PRKD2: variants seen among roughly 807,000 people sequenced by gnomAD.
PRKD2 encodes serine/threonine-protein kinase D2.
A neutral mutation model predicts 86.0 loss-of-function variants in PRKD2; 22 were observed. The ratio of observed to expected loss-of-function variants is 0.26; its 90% confidence interval spans 0.18 to 0.37. The LOEUF is 0.37. PRKD2 is among the 10% of genes least tolerant of loss of function. The probability of loss-of-function intolerance (pLI) is 1.00; values close to 1 mark genes in which losing one functional copy is unlikely to be tolerated. For missense variants in PRKD2, 818 were observed against 1,199.2 expected, an observed-to-expected ratio of 0.68 and a Z score of 4.70; for synonymous variants, 509 against 510.9, an observed-to-expected ratio of 1.00 and a Z score of 0.05.
intron 1 of PRKD2, chr19:46,714,255 T>A: frequency 7.8e-7 from 1 of 1,274,450 alleles, no homozygotes; most frequent in Non-Finnish European, 1.0e-6. Context: ...GGAGGGAGAG[T>A]GGCTCCGGGA....
In PRKD2 at chr19:46,697,223, G is replaced by A. The variant is rs143670757; in HGVS notation, c.1251C>T (p.His417=). The A allele has an allele frequency of 2.0e-5, 32 of 1,592,388 alleles. No homozygotes were observed. The African/African-American group carries it at 3.8e-4, about 19-fold the overall frequency. ...TACACTTGCAGTCCAGGCGCCAATA[G>A]TGCCGCTTTCTCTGCAGAGATGTTT... is the stretch of plus-strand genomic sequence containing the variant. The part of the protein sequence containing the change: ...YSNKDTLRKR[H]YWRLDCKCIT... The change falls in exon 9 of 18, where the codon CAC becomes CAT. Residue 417 remains histidine (H), a synonymous_variant. Coordinates refer to ENST00000291281, the MANE Select transcript of PRKD2 (RefSeq NM_016457.5).
rs139853244 is a variant in PRKD2 at position 46,704,134 on chromosome 19, G to A, written c.889+35C>T. ...CAGGTTGGGGCGGGAAGGAGGTTCT[G>A]ACCCTGTCTGTCCTCCCCGACAGGC... On this transcript the variant is annotated intron_variant, in intron 5 of 17. Transcript: ENST00000291281. The A allele has an allele frequency of 7.3e-3, 11,711 of 1,612,004 alleles. 46 individuals carry two copies. The highest frequency in any genetic ancestry group is 8.4e-3 in the Non-Finnish European group (9,859 of 1,179,570).
chr19:46,708,077 G>A (rs1319467117), intron 3 of PRKD2, among the ~76,000 whole-genome samples: 3 of 152,112 alleles, frequency 2.0e-5, no homozygotes, highest in Admixed American at 1.3e-4. Context: ...CAGCCTGGGT[G>A]ACAGACTGAG....
intron 5 of PRKD2, among the ~76,000 whole-genome samples, chr19:46,701,566 T>C (rs1297767252): frequency 6.6e-6 from 1 of 151,766 alleles, no homozygotes; most frequent in East Asian, 2.0e-4. Context: ...TTGGTCAGGC[T>C]GGTTTCGCGC....
In PRKD2 at chr19:46,697,228, GC is replaced by G. The variant is rs1375397972; in HGVS notation, c.1245del (p.Lys415AsnfsTer94). 6.3e-7 allele frequency: 1 copy of G among 1,588,388 alleles called. No individual in the cohort carries two copies. Among genetic ancestry groups the G allele is most frequent in the East Asian group, 2.2e-5 (1 of 44,704 alleles). On this transcript the variant is annotated frameshift_variant, in exon 9 of 18. Transcript: ENST00000291281. LOFTEE classifies it high-confidence loss of function. ...VHYSNKDTLR[K>X]RHYWRLDCKC... ...TTGCAGTCCAGGCGCCAATAGTGCCGCTTTCTCTGCAGAGATGTTTGAAGAG... is the reference window on the plus strand; with the variant it reads ...TTGCAGTCCAGGCGCCAATAGTGCCGTTTCTCTGCAGAGATGTTTGAAGAG...
chr19:46,700,410 G>A (rs2053619250), intron 7 of PRKD2, among the ~76,000 whole-genome samples: 1 of 151,498 alleles, frequency 6.6e-6, no homozygotes, highest in African/African-American at 2.4e-5. Context: ...TGGATCACTT[G>A]AGCTCAGGAG....
At chr19:46,689,786 C>A (rs1158344142) in intron 13 of PRKD2, 88 bp from the exon 14 acceptor site, 6 of 1,481,822 alleles carry the variant, frequency 4.0e-6, no homozygotes, top group African/African-American at 1.4e-5. Flanking sequence ...GGATGACAAA[C>A]AAGGAGAAGG....
chr19:46,707,704 G>A (rs1568735189), intron 3 of PRKD2, among the ~76,000 whole-genome samples: 1 of 152,176 alleles, frequency 6.6e-6, no homozygotes, highest in African/African-American at 2.4e-5. Flanking sequence ...GCAGAGCCCC[G>A]ATTTCAACAT....
chr19:46,678,686 G>GCTCCACCAGGTGATGGAGC lies in PRKD2; in HGVS notation c.2071-42_2071-24dup, dbSNP rs1568713073. On this transcript the variant is annotated intron_variant, in intron 15 of 17. Transcript: ENST00000291281. This position sits in a 1 kb window ranked among gnomAD's most constrained non-coding sequence, Gnocchi z 5.7. ...CACCTGCAGAGGGCAAGGGATGGAG[G>GCTCCACCAGGTGATGGAGC]CTCCACCAGGTGATGGAGCCGCACC... The GCTCCACCAGGTGATGGAGC allele has an allele frequency of 1.9e-6, 3 of 1,593,182 alleles. No homozygotes were observed. Among genetic ancestry groups the GCTCCACCAGGTGATGGAGC allele is most frequent in the Non-Finnish European group, 2.6e-6 (3 of 1,174,332 alleles).
chr19:46,676,109 C>A (rs1297717378), intron 16 of PRKD2, among the ~76,000 whole-genome samples: 1 of 152,114 alleles, frequency 6.6e-6, no homozygotes, highest in African/African-American at 2.4e-5. Context: ...TCAGGTTTAT[C>A]TAACCCCAGT....
At chr19:46,708,052 C>T (rs1201990941) in intron 3 of PRKD2, among the ~76,000 whole-genome samples, 1 of 151,980 alleles carries the variant, frequency 6.6e-6, no homozygotes, top group Non-Finnish European at 1.5e-5. Flanking sequence ...GAGCTGAGAT[C>T]GCGCCACTGC....
At chr19:46,697,386 C>A (rs1397136581) in intron 8 of PRKD2, 152 bp from the exon 9 acceptor site, 35 of 615,150 alleles carry the variant, frequency 5.7e-5, no homozygotes, top group Non-Finnish European at 9.7e-5. Context: ...CCCCACCACA[C>A]GCCCTAACCC....
chr19:46,690,019 C>T (rs1194532603), intron 13 of PRKD2, among the ~76,000 whole-genome samples: 5 of 152,152 alleles, frequency 3.3e-5, no homozygotes, highest in South Asian at 2.1e-4. Flanking sequence ...GGATTACAGG[C>T]GTGAGCCACC....
chr19:46,710,875 C>T lies in PRKD2; in HGVS notation c.511+32G>A, dbSNP rs866602533. 1.6e-5 allele frequency: 25 copies of T among 1,522,746 alleles called. No individual in the cohort carries two copies. In the Middle Eastern group the frequency reaches 4.5e-3, roughly 272 times the overall value. The allele number at this position is 1,522,746 out of a possible 1,614,324, so 94.3% of individuals were successfully genotyped here. A position where few individuals can be genotyped will look rare whatever the true frequency, so the allele number is the denominator to read the frequency against. On this transcript the variant is annotated intron_variant, in intron 3 of 17. Transcript: ENST00000291281. The stretch of plus-strand genomic sequence containing the variant: ...TCCGCCCCCGGTGCAGAGCCCCGCC[C>T]CAGGCCCCGCCCCCAACCCTTTAGC...
intron 1 of PRKD2, chr19:46,714,372 G>T (rs1300495379): frequency 6.4e-6 from 6 of 940,468 alleles, no homozygotes; most frequent in Middle Eastern, 1.1e-3. Flanking sequence ...CCGCCCCCCA[G>T]CTTCCTTCCT....
At chr19:46,706,567 C>G (rs1036570672) in intron 3 of PRKD2, among the ~76,000 whole-genome samples, 28 of 152,180 alleles carry the variant, frequency 1.8e-4, no homozygotes, top group African/African-American at 6.8e-4. Flanking sequence ...GAATGAGTCT[C>G]AGGATAGAGT....
Position 46,716,815 on chromosome 19 carries a change from C to T in PRKD2, c.-445G>A, listed in dbSNP as rs1345109681. On this transcript the variant is annotated 5_prime_UTR_variant, in exon 1 of 18. Transcript: ENST00000291281. This position sits in a 1 kb window ranked among gnomAD's most constrained non-coding sequence, Gnocchi z 7.9. ...CAGAAGGCGGCCCGGGGGAATTCAC[C>T]TTGGGGGTGGAGGGCAGGAGTCTCT... 2 of 153,794 alleles carry T rather than the reference C, an allele frequency of 1.3e-5. No homozygotes were observed. The highest frequency in any genetic ancestry group is 4.8e-5 in the African/African-American group (2 of 41,336). The allele number at this position is 153,794 out of a possible 1,614,324, so 9.5% of individuals were successfully genotyped here.
rs1277008990 is a variant in PRKD2, at chr19:46,681,631, A to G, written c.2070+19T>C. 13 of 1,522,514 alleles carry G rather than the reference A, an allele frequency of 8.5e-6. No homozygotes were observed. The highest frequency in any genetic ancestry group is 9.9e-6 in the Non-Finnish European group (11 of 1,116,058). The allele number at this position is 1,522,514 out of a possible 1,614,324, so 94.3% of individuals were successfully genotyped here. ...AGTGTTGCCTGGATTTCCCCAAATC[A>G]GGAGGGGACATAACTGACCTGAGGA... On this transcript the variant is annotated intron_variant, in intron 15 of 17. Coordinates refer to ENST00000291281, the MANE Select transcript of PRKD2 (RefSeq NM_016457.5).
chr19:46,705,784 T>C (rs62134784), intron 3 of PRKD2, among the ~76,000 whole-genome samples: 114,078 of 149,520 alleles, frequency 0.76, 43,921 homozygotes, highest in African/African-American at 0.88. Flanking sequence ...GAGACTCAGT[T>C]TCAAAAAAAA....
Sources: gnomAD v4.1 joint callset for allele counts (sites outside exome capture counted in the v4.1 genomes callset) on GRCh38, gnomAD v4.1.1 for gene constraint, Gnocchi (gnomAD v3.1) non-coding constraint, MANE v1.5 for transcripts, NCBI Gene and HGNC (gene_info 2026-07-23, HGNC 2026-07-21) for gene names.